CFAP47: variants seen among roughly 807,000 people sequenced by gnomAD.
The protein encoded by CFAP47 is cilia and flagella associated protein 47.
CFAP47 carries 29 observed loss-of-function variants against 148.1 expected under a neutral mutation model. The ratio of observed to expected loss-of-function variants is 0.20; its 90% CI spans 0.15 to 0.27. The LOEUF (loss-of-function observed/expected upper bound fraction) is 0.27. Among genes scored for constraint, CFAP47 ranks in the 10% least tolerant of loss-of-function variants. The probability of loss-of-function intolerance (pLI) is 1.00; values close to 1 mark genes in which losing one functional copy is unlikely to be tolerated. For missense variants in CFAP47, 1,872 were observed against 1,697.5 expected, an observed-to-expected ratio of 1.10 and a Z score of -1.81; for synonymous variants, 664 against 577.3, an observed-to-expected ratio of 1.15 and a Z score of -2.15.
intron 10 of CFAP47, among the ~76,000 whole-genome samples, chrX:35,969,001 A>T (rs1320691176): frequency 9.1e-6 from 1 of 110,081 alleles, no homozygotes; most frequent in Non-Finnish European, 1.9e-5. Flanking sequence ...ATATGTATAT[A>T]TGTATATATC....
At chrX:36,150,844 A>G (rs1216901427) in intron 37 of CFAP47, among the ~76,000 whole-genome samples, 1 of 111,862 alleles carries the variant, frequency 8.9e-6, no homozygotes, top group Non-Finnish European at 1.9e-5. Flanking sequence ...AATTCCTTGT[A>G]TAATAAAAAG....
intron 46 of CFAP47, among the ~76,000 whole-genome samples, chrX:36,231,080 A>G (rs1417888144): frequency 8.3e-5 from 9 of 108,948 alleles, no homozygotes; most frequent in Admixed American, 7.9e-4. Flanking sequence ...CTTAGGATTG[A>G]CTTGGCAATG....
At chrX:36,376,799 G>A (rs1169991121) in intron 62 of CFAP47, among the ~76,000 whole-genome samples, 19 of 86,904 alleles carry the variant, frequency 2.2e-4, no homozygotes, top group Non-Finnish European at 3.0e-4. Flanking sequence ...GACAGGCTGC[G>A]GTGTGTGATG....
intron 57 of CFAP47, among the ~76,000 whole-genome samples, chrX:36,341,160 C>T (rs1206293039): frequency 1.9e-5 from 2 of 107,585 alleles, no homozygotes; most frequent in South Asian, 4.2e-4. Context: ...CTCAGCTTCC[C>T]GAGTAGCTGG....
intron 33 of CFAP47, among the ~76,000 whole-genome samples, chrX:36,117,620 GCTT>G (rs1272993697): frequency 1.8e-5 from 2 of 111,571 alleles, no homozygotes; most frequent in African/African-American, 6.5e-5. Flanking sequence ...AGTTGTTTGA[GCTT>G]CTTATATATT....
rs181460620 is a variant in CFAP47, at chrX:36,108,160, C to T, written c.5320+3469C>T. Reference sequence around the variant, plus strand: ...TAAAGCATTTTGGCTTTCTTTGTGGCTCTCAAGACCCTCCTTAGCATTCTC... The same window carrying T: ...TAAAGCATTTTGGCTTTCTTTGTGGTTCTCAAGACCCTCCTTAGCATTCTC... On this transcript the variant is annotated intron_variant, in intron 33 of 63. Transcript: ENST00000378653. 5.4e-4 allele frequency among the ~76,000 whole-genome samples: 60 copies of T among 111,374 alleles called. No homozygotes were observed. The East Asian group carries it at 0.014, about 25-fold the overall frequency.
intron 49 of CFAP47, among the ~76,000 whole-genome samples, chrX:36,263,875 C>G (rs1602078010): frequency 8.9e-6 from 1 of 112,043 alleles, no homozygotes; most frequent in East Asian, 2.8e-4. Context: ...CTGAGTCTCA[C>G]CTGAAGCCAG....
chrX:36,247,640 C>T (rs1940633038), intron 48 of CFAP47, among the ~76,000 whole-genome samples: 1 of 109,780 alleles, frequency 9.1e-6, no homozygotes, highest in South Asian at 3.8e-4. Context: ...GTTATAAAAC[C>T]CAAGACATCT....
intron 60 of CFAP47, among the ~76,000 whole-genome samples, chrX:36,358,496 A>G (rs140451557): frequency 0.017 from 1,894 of 112,063 alleles, 41 homozygotes; most frequent in African/African-American, 0.058. Flanking sequence ...CAATTGTGCC[A>G]TATGACAAAC....
At chrX:36,234,666 G>A (rs868984884) in intron 46 of CFAP47, among the ~76,000 whole-genome samples, 33 of 112,200 alleles carry the variant, frequency 2.9e-4, no homozygotes, top group African/African-American at 1.0e-3. Flanking sequence ...GAGGAGCTGC[G>A]TTCCTTTGGA....
intron 27 of CFAP47, among the ~76,000 whole-genome samples, chrX:36,070,909 C>G (rs1346738179): frequency 1.8e-5 from 2 of 112,093 alleles, no homozygotes; most frequent in Non-Finnish European, 3.8e-5. Flanking sequence ...GATTACTACC[C>G]TTTCCCTAGA....
chrX:36,193,420 T>A (rs1400491065), intron 42 of CFAP47, among the ~76,000 whole-genome samples: 1 of 111,885 alleles, frequency 8.9e-6, no homozygotes, highest in Non-Finnish European at 1.9e-5. Context: ...GGATGCTTTC[T>A]TTTTTATTTT....
At chrX:35,967,371 G>A (rs895449620) in intron 9 of CFAP47, among the ~76,000 whole-genome samples, 32 of 110,620 alleles carry the variant, frequency 2.9e-4, no homozygotes, top group African/African-American at 1.0e-3. Context: ...TTTCATATGG[G>A]TAAACCTAAA....
At chrX:36,292,946 A>G (rs1349704160) in intron 51 of CFAP47, among the ~76,000 whole-genome samples, 5 of 111,425 alleles carry the variant, frequency 4.5e-5, no homozygotes, top group Non-Finnish European at 9.4e-5. Flanking sequence ...GTAATGTACA[A>G]TATGTAATAC....
intron 33 of CFAP47, among the ~76,000 whole-genome samples, chrX:36,113,705 C>T (rs1004528415): frequency 1.8e-5 from 2 of 111,746 alleles, no homozygotes; most frequent in East Asian, 5.6e-4. Context: ...TACGTTCTCC[C>T]TGTCTCTTTC....
chrX:36,160,555 T>C (rs986927758), intron 38 of CFAP47, 126 bp from the exon 39 acceptor site: 7 of 262,951 alleles, frequency 2.7e-5, no homozygotes, highest in African/African-American at 2.0e-4. Context: ...TTTCTTTTGA[T>C]AGTGGGAAGT....
intron 35 of CFAP47, among the ~76,000 whole-genome samples, chrX:36,143,904 T>C (rs73472837): frequency 0.044 from 4,861 of 111,211 alleles, 279 homozygotes; most frequent in African/African-American, 0.15. Flanking sequence ...ATGTTATTTC[T>C]TGTTCAGAAA....
intron 51 of CFAP47, among the ~76,000 whole-genome samples, chrX:36,294,698 T>C (rs1263640747): frequency 9.1e-6 from 1 of 109,924 alleles, no homozygotes; most frequent in African/African-American, 3.3e-5. Context: ...GGCGACAGAG[T>C]GAGACTCCAT....
chrX:36,133,506 G>T (rs1463172503), intron 33 of CFAP47, among the ~76,000 whole-genome samples: 1 of 110,463 alleles, frequency 9.1e-6, no homozygotes, highest in Non-Finnish European at 1.9e-5. Context: ...GTAAGAGCAT[G>T]CAAGAAAGAG....
Sources: allele counts gnomAD v4.1 joint callset (sites outside exome capture counted in the v4.1 genomes callset), GRCh38; gene constraint gnomAD v4.1.1; transcripts MANE v1.5; gene names NCBI Gene and HGNC (gene_info 2026-07-23, HGNC 2026-07-21).